Variants in LRATD2 observed in about 807,000 individuals in gnomAD.
The protein encoded by LRATD2 is LRAT domain containing 2, also known as protein LRATD2.
LRATD2 carries 10 observed loss-of-function variants against 12.0 expected under a neutral mutation model. That is an observed-to-expected ratio of 0.83 (90% CI 0.51 to 1.41). LRATD2 has a LOEUF of 1.41. Ranked by LOEUF, LRATD2 falls within the 40% of genes most tolerant of loss-of-function variation. The pLI, the probability that LRATD2 is intolerant of heterozygous loss-of-function variation, is 0.00. For missense variants in LRATD2, 455 were observed against 446.1 expected, an observed-to-expected ratio of 1.02 and a Z score of -0.18; for synonymous variants, 220 against 205.8, an observed-to-expected ratio of 1.07 and a Z score of -0.59.
At position 126,556,723 on chromosome 8, in the gene LRATD2, T is replaced by C; in HGVS notation, c.667A>G (p.Ile223Val). The change falls in exon 2 of 2, where the codon ATC (isoleucine) becomes GTC (valine). Residue 223 changes from isoleucine to valine, a missense_variant. Transcript: ENST00000304916. This position sits in a 1 kb window ranked among gnomAD's most constrained non-coding sequence, Gnocchi z 5.6. Reference protein sequence around the residue: ...REFKIGGELRIGKQPYRLQIQ... With the variant: ...REFKIGGELRVGKQPYRLQIQ... ...TGCAGCCGGTAGGGCTGCTTGCCGA[T>C]GCGCAGCTCGCCGCCGATCTTGAAC... 2 of 1,605,758 alleles carry C rather than the reference T, an allele frequency of 1.2e-6. No homozygotes were observed. The highest frequency in any genetic ancestry group is 1.7e-6 in the Non-Finnish European group (2 of 1,176,638).
At position 126,558,307 on chromosome 8, in the gene LRATD2, C is replaced by G. The variant is rs1162562339; in HGVS notation, c.-370G>C. On this transcript the variant is annotated 5_prime_UTR_variant, in exon 1 of 2. Coordinates refer to ENST00000304916, the MANE Select transcript of LRATD2 (RefSeq NM_174911.5). ...GGCTGCTGCCCCTCCTCAGCCAGCTCTCGGGGGAGGTGGGGCGCGAGGAGG... is the reference window on the plus strand; with the variant it reads ...GGCTGCTGCCCCTCCTCAGCCAGCTGTCGGGGGAGGTGGGGCGCGAGGAGG... The G allele has an allele frequency of 6.6e-6, 1 of 152,266 alleles. No homozygotes were observed. The highest frequency in any genetic ancestry group is 1.5e-5 in the Non-Finnish European group (1 of 68,112). 9.4% of individuals were successfully genotyped at this position (152,266 alleles called of 1,614,324 possible).
In LRATD2 at chr8:126,555,626, G is replaced by C. The variant is rs1051727881; in HGVS notation, c.*831C>G. ...GCAGCTGTAAGTGCCTACAACAGCA[G>C]GGGAGAAACAAAGGCAGCAGAACAG... On this transcript the variant is annotated 3_prime_UTR_variant, in exon 2 of 2. Coordinates refer to ENST00000304916, the MANE Select transcript of LRATD2 (RefSeq NM_174911.5). The C allele has an allele frequency of 2.0e-5, 3 of 152,704 alleles. No homozygotes were observed. The highest frequency in any genetic ancestry group is 4.4e-5 in the Non-Finnish European group (3 of 68,092). 9.5% of individuals were successfully genotyped at this position (152,704 alleles called of 1,614,324 possible). A position where few individuals can be genotyped will look rare whatever the true frequency, so the allele number is the denominator to read the frequency against.
Position 126,556,757 on chromosome 8 carries a change from G to C in LRATD2, c.633C>G (p.Gly211=). ...SESFAAWCRY[G]KREFKIGGEL... ...CGCCGCCGATCTTGAACTCGCGCTT[G>C]CCGTAGCGGCACCAGGCGGCGAAAC... Residue 211 remains glycine, a synonymous_variant, in exon 2 of 2, where the codon GGC becomes GGG. Transcript: ENST00000304916. This position sits in a 1 kb window ranked among gnomAD's most constrained non-coding sequence, Gnocchi z 5.6. 1 of 1,599,174 alleles carries C rather than the reference G, an allele frequency of 6.3e-7. No homozygotes were observed. Among genetic ancestry groups the C allele is most frequent in the Non-Finnish European group, 8.5e-7 (1 of 1,173,300 alleles).
rs1817373095 is a variant in LRATD2 at position 126,555,667 on chromosome 8, CT to C, written c.*789del. 6.5e-6 allele frequency: 1 copy of C among 152,704 alleles called. No homozygotes were observed. The highest frequency in any genetic ancestry group is 6.5e-5 in the Admixed American group (1 of 15,290). 9.5% of individuals were successfully genotyped at this position (152,704 alleles called of 1,614,324 possible). A position where few individuals can be genotyped will look rare whatever the true frequency, so the allele number is the denominator to read the frequency against. On this transcript the variant is annotated 3_prime_UTR_variant, in exon 2 of 2. Transcript: ENST00000304916. ...AGCAGAACAGAACCTTAATTGAAACCTTCCCCTGGCTGGCCCTTGACAATGA... is the reference window on the plus strand; with the variant it reads ...AGCAGAACAGAACCTTAATTGAAACCTCCCCTGGCTGGCCCTTGACAATGA...
In LRATD2 at chr8:126,555,944, C is replaced by G. The variant is rs1233869176; in HGVS notation, c.*513G>C. ...CCAGGAATCCCATAAAATAAATCACCCCAGCCTCCTGGATCCCATACACAG... is the reference window on the plus strand; with the variant it reads ...CCAGGAATCCCATAAAATAAATCACGCCAGCCTCCTGGATCCCATACACAG... On this transcript the variant is annotated 3_prime_UTR_variant, in exon 2 of 2. Coordinates refer to ENST00000304916, the MANE Select transcript of LRATD2 (RefSeq NM_174911.5). 1 of 155,036 alleles carries G rather than the reference C, an allele frequency of 6.5e-6. No homozygotes were observed. Among genetic ancestry groups the G allele is most frequent in the Non-Finnish European group, 1.4e-5 (1 of 69,742 alleles). 9.6% of individuals were successfully genotyped at this position (155,036 alleles called of 1,614,324 possible).
In LRATD2 at chr8:126,558,459, T is replaced by C. The variant is rs1441235420; in HGVS notation, c.-522A>G. 2.6e-5 allele frequency: 4 copies of C among 152,016 alleles called. No homozygotes were observed. The East Asian group carries it at 7.8e-4, about 30-fold the overall frequency. The allele number at this position is 152,016 out of a possible 1,614,324, so 9.4% of individuals were successfully genotyped here. On this transcript the variant is annotated 5_prime_UTR_variant, in exon 1 of 2. Coordinates refer to ENST00000304916, the MANE Select transcript of LRATD2 (RefSeq NM_174911.5). The stretch of plus-strand genomic sequence containing the variant: ...GGCTCCCGGGCGGGAGCGCAGCCCG[T>C]GGCATTTAAAGAGACAGGCGCTCAC...
chr8:126,557,327 C>A lies in LRATD2; in HGVS notation c.63G>T (p.Pro21=). ...LSYKEVPTAD[P]TGVDRDDGPR... is the part of the protein sequence containing the mutation. Reference sequence around the variant, plus strand: ...GCCCGTCGTCCCGGTCCACGCCAGTCGGGTCGGCCGTGGGAACTTCCTTGT... The same window carrying A: ...GCCCGTCGTCCCGGTCCACGCCAGTAGGGTCGGCCGTGGGAACTTCCTTGT... The change falls in exon 2 of 2, where the codon CCG becomes CCT. Residue 21 remains proline (P), a synonymous_variant. Transcript: ENST00000304916. The surrounding 1 kb of genome is among the most constrained non-coding windows in gnomAD (Gnocchi z 5.3). 16 of 1,613,784 alleles carry A rather than the reference C, an allele frequency of 9.9e-6. No individual in the cohort carries two copies. Among genetic ancestry groups the A allele is most frequent in the Non-Finnish European group, 1.3e-5 (15 of 1,179,984 alleles).
chr8:126,557,602 C>A lies in LRATD2; in HGVS notation c.-96-117G>T. ...CTGGAGCCATTTTAGGGGGAAGTCTCGGGTGTAGCGAGCTTTCCCTCGTTT... is the reference window on the plus strand; with the variant it reads ...CTGGAGCCATTTTAGGGGGAAGTCTAGGGTGTAGCGAGCTTTCCCTCGTTT... On this transcript the variant is annotated intron_variant, in intron 1 of 1. Transcript: ENST00000304916. This position sits in a 1 kb window ranked among gnomAD's most constrained non-coding sequence, Gnocchi z 5.3. The A allele has an allele frequency of 1.7e-6, 1 of 585,378 alleles. No homozygotes were observed. The highest frequency in any genetic ancestry group is 3.0e-6 in the Non-Finnish European group (1 of 335,496). The allele number at this position is 585,378 out of a possible 1,614,324, so 36.3% of individuals were successfully genotyped here. A position where few individuals can be genotyped will look rare whatever the true frequency, so the allele number is the denominator to read the frequency against.
Position 126,557,084 on chromosome 8 carries a change from C to A in LRATD2, c.306G>T (p.Ala102=), listed in dbSNP as rs770162825. ...TCTCGGGCGTGTAGGTACTCAGCGC[C>A]GCCGAGCCCGGCGCGAAGCTCTTCT... The part of the protein sequence containing the change: ...IYQKSFAPGS[A]ALSTYTPENL... Residue 102 remains alanine (A), a synonymous_variant, in exon 2 of 2, where the codon GCG becomes GCT. Transcript: ENST00000304916. The surrounding 1 kb of genome is among the most constrained non-coding windows in gnomAD (Gnocchi z 5.3). 1 of 1,610,846 alleles carries A rather than the reference C, an allele frequency of 6.2e-7. No individual in the cohort carries two copies. The highest frequency in any genetic ancestry group is 8.5e-7 in the Non-Finnish European group (1 of 1,179,994).
rs1244181050 is a variant in LRATD2, at chr8:126,556,161, G to A, written c.*296C>T. 6.8e-6 allele frequency: 3 copies of A among 438,734 alleles called. No homozygotes were observed. The highest frequency in any genetic ancestry group is 1.2e-5 in the Non-Finnish European group (3 of 249,542). 27.2% of individuals were successfully genotyped at this position (438,734 alleles called of 1,614,324 possible). A position where few individuals can be genotyped will look rare whatever the true frequency, so the allele number is the denominator to read the frequency against. ...CCGATTATAAACCCAGATCTACCAA[G>A]GTTTAAGTGCCAGGCAAGTCCACAG... is the stretch of plus-strand genomic sequence containing the variant. On this transcript the variant is annotated 3_prime_UTR_variant, in exon 2 of 2. Transcript: ENST00000304916. The surrounding 1 kb of genome is among the most constrained non-coding windows in gnomAD (Gnocchi z 5.6).
In LRATD2 at chr8:126,552,765, T is replaced by A. The variant is rs1817307009; in HGVS notation, c.*3692A>T. On this transcript the variant is annotated 3_prime_UTR_variant, in exon 2 of 2. Coordinates refer to ENST00000304916, the MANE Select transcript of LRATD2 (RefSeq NM_174911.5). ...AACATAATTCTTCATGAGTCACAAGTATTATAGCCAAGAACAAAACAACAA... is the reference window on the plus strand; with the variant it reads ...AACATAATTCTTCATGAGTCACAAGAATTATAGCCAAGAACAAAACAACAA... 1 of 152,624 alleles carries A rather than the reference T, an allele frequency of 6.6e-6. No individual in the cohort carries two copies. The highest frequency in any genetic ancestry group is 1.5e-5 in the Non-Finnish European group (1 of 68,042). The allele number at this position is 152,624 out of a possible 1,614,324, so 9.5% of individuals were successfully genotyped here. A position where few individuals can be genotyped will look rare whatever the true frequency, so the allele number is the denominator to read the frequency against.
chr8:126,557,224 C>T lies in LRATD2; in HGVS notation c.166G>A (p.Gly56Ser). 1 of 1,602,132 alleles carries T rather than the reference C, an allele frequency of 6.2e-7. No homozygotes were observed. Among genetic ancestry groups the T allele is most frequent in the Non-Finnish European group, 8.5e-7 (1 of 1,174,760 alleles). ...EPQPPPQGPDGGGLPDGGDGP... is the reference protein window; with the variant it reads ...EPQPPPQGPDSGGLPDGGDGP... ...TCCCCACCGTCGGGCAAGCCGCCGC[C>T]ATCTGGCCCCTGAGGCGGCGGCTGC... The change falls in exon 2 of 2, where the codon GGC becomes AGC. Residue 56 changes from glycine to serine, a missense_variant. Gly to Ser is a moderately conservative substitution (Grantham distance 56). Coordinates refer to ENST00000304916, the MANE Select transcript of LRATD2 (RefSeq NM_174911.5). This position sits in a 1 kb window ranked among gnomAD's most constrained non-coding sequence, Gnocchi z 5.3.
Position 126,557,433 on chromosome 8 carries a change from G to A in LRATD2, c.-44C>T. 6.3e-7 allele frequency: 1 copy of A among 1,596,194 alleles called. No homozygotes were observed. Among genetic ancestry groups the A allele is most frequent in the Admixed American group, 1.8e-5 (1 of 55,384 alleles). The stretch of plus-strand genomic sequence containing the variant: ...TCACACCGCCGCAAGGGGAGAAAGC[G>A]AAACCAACTCCAGGGTCATTTGCAC... On this transcript the variant is annotated 5_prime_UTR_variant, in exon 2 of 2. Coordinates refer to ENST00000304916, the MANE Select transcript of LRATD2 (RefSeq NM_174911.5). The surrounding 1 kb of genome is among the most constrained non-coding windows in gnomAD (Gnocchi z 5.3).
rs760305312 is a variant in LRATD2, at chr8:126,556,418, A to G, written c.*39T>C. Reference sequence around the variant, plus strand: ...GAAAGGGAGCAGCGGCTGCTACTGCAAACAGTTCCCCTTCGCAGCTCTGCG... The same window carrying G: ...GAAAGGGAGCAGCGGCTGCTACTGCGAACAGTTCCCCTTCGCAGCTCTGCG... On this transcript the variant is annotated 3_prime_UTR_variant, in exon 2 of 2. Coordinates refer to ENST00000304916, the MANE Select transcript of LRATD2 (RefSeq NM_174911.5). The surrounding 1 kb of genome is among the most constrained non-coding windows in gnomAD (Gnocchi z 5.6). 4 of 1,510,700 alleles carry G rather than the reference A, an allele frequency of 2.6e-6. No homozygotes were observed. The South Asian group carries it at 5.1e-5, about 19-fold the overall frequency. The allele number at this position is 1,510,700 out of a possible 1,614,324, so 93.6% of individuals were successfully genotyped here.
At position 126,556,536 on chromosome 8, in the gene LRATD2, A is replaced by G. The variant is rs1249656129; in HGVS notation, c.854T>C (p.Val285Ala). Residue 285 changes from valine to alanine, a missense_variant, in exon 2 of 2, where the codon GTG becomes GCG. Transcript: ENST00000304916. The surrounding 1 kb of genome is among the most constrained non-coding windows in gnomAD (Gnocchi z 5.6). ...CCCGGGAGGCGGCGTAGTCCGCGCC[A>G]CGTTGCTGTCGCCCTCCTCCGGCTC... ...PAEPEEGDSN[V>A]ARTTPPPGRP... The G allele has an allele frequency of 7.5e-6, 12 of 1,602,604 alleles. No homozygotes were observed. The highest frequency in any genetic ancestry group is 1.0e-5 in the Non-Finnish European group (12 of 1,175,668).
Position 126,557,561 on chromosome 8 carries a change from G to T in LRATD2, c.-96-76C>A. On this transcript the variant is annotated intron_variant, in intron 1 of 1. Coordinates refer to ENST00000304916, the MANE Select transcript of LRATD2 (RefSeq NM_174911.5). This position sits in a 1 kb window ranked among gnomAD's most constrained non-coding sequence, Gnocchi z 5.3. ...GGGCGTTTTGTTCCGAAAAAGAATC[G>T]GTGGGGGCTCAGCACCTGGAGCCAT... 1 of 708,636 alleles carries T rather than the reference G, an allele frequency of 1.4e-6. No homozygotes were observed. 43.9% of individuals were successfully genotyped at this position (708,636 alleles called of 1,614,324 possible).
chr8:126,552,533 G>A lies in LRATD2; in HGVS notation c.*3924C>T, dbSNP rs1239727582. 1.3e-5 allele frequency: 2 copies of A among 152,614 alleles called. No individual in the cohort carries two copies. The highest frequency in any genetic ancestry group is 2.9e-5 in the Non-Finnish European group (2 of 68,026). 9.5% of individuals were successfully genotyped at this position (152,614 alleles called of 1,614,324 possible). A position where few individuals can be genotyped will look rare whatever the true frequency, so the allele number is the denominator to read the frequency against. On this transcript the variant is annotated 3_prime_UTR_variant, in exon 2 of 2. Coordinates refer to ENST00000304916, the MANE Select transcript of LRATD2 (RefSeq NM_174911.5). ...TATTTTAATAAGACATAGTGAAGAG[G>A]AAATGGCTTAAAAGATATCATCAAT...
At position 126,556,712 on chromosome 8, in the gene LRATD2, C is replaced by T; in HGVS notation, c.678G>A (p.Gln226=). ...KIGGELRIGK[Q]PYRLQIQLSA... ...ACAGCTGAATCTGCAGCCGGTAGGG[C>T]TGCTTGCCGATGCGCAGCTCGCCGC... Residue 226 remains glutamine, a synonymous_variant, in exon 2 of 2, where the codon CAG becomes CAA. Coordinates refer to ENST00000304916, the MANE Select transcript of LRATD2 (RefSeq NM_174911.5). This position sits in a 1 kb window ranked among gnomAD's most constrained non-coding sequence, Gnocchi z 5.6. The T allele has an allele frequency of 6.2e-7, 1 of 1,607,730 alleles. No individual in the cohort carries two copies. Among genetic ancestry groups the T allele is most frequent in the Non-Finnish European group, 8.5e-7 (1 of 1,177,562 alleles).
chr8:126,556,406 G>A lies in LRATD2; in HGVS notation c.*51C>T. 6.7e-7 allele frequency: 1 copy of A among 1,484,118 alleles called. No individual in the cohort carries two copies. The highest frequency in any genetic ancestry group is 8.9e-7 in the Non-Finnish European group (1 of 1,117,346). 91.9% of individuals were successfully genotyped at this position (1,484,118 alleles called of 1,614,324 possible). A position where few individuals can be genotyped will look rare whatever the true frequency, so the allele number is the denominator to read the frequency against. Reference sequence around the variant, plus strand: ...GGAAGAGAGGGAGAAAGGGAGCAGCGGCTGCTACTGCAAACAGTTCCCCTT... The same window carrying A: ...GGAAGAGAGGGAGAAAGGGAGCAGCAGCTGCTACTGCAAACAGTTCCCCTT... On this transcript the variant is annotated 3_prime_UTR_variant, in exon 2 of 2. Transcript: ENST00000304916. This position sits in a 1 kb window ranked among gnomAD's most constrained non-coding sequence, Gnocchi z 5.6.
Sources: gnomAD v4.1 joint callset for allele counts on GRCh38, gnomAD v4.1.1 for gene constraint, Gnocchi (gnomAD v3.1) non-coding constraint, MANE v1.5 for transcripts, NCBI Gene and HGNC (gene_info 2026-07-23, HGNC 2026-07-21) for gene names.